EXOSC10: variants seen among roughly 807,000 people sequenced by gnomAD.
EXOSC10 encodes the protein exosome component 10.
In EXOSC10, 94 loss-of-function variants were observed where a neutral mutation model predicts 126.6. The ratio of observed to expected loss-of-function variants is 0.74; its 90% CI spans 0.63 to 0.88. EXOSC10 has a LOEUF of 0.88. Among genes scored for constraint, EXOSC10 ranks in the 40% least tolerant of loss-of-function variants. The pLI, the probability that EXOSC10 is intolerant of heterozygous loss-of-function variation, is 0.00. For missense variants in EXOSC10, 1,041 were observed against 1,100.5 expected, an observed-to-expected ratio of 0.95 and a Z score of 0.77; for synonymous variants, 395 against 400.8, an observed-to-expected ratio of 0.99 and a Z score of 0.17.
At chr1:11,099,658 GGCCCAGTCGGCTTCCGGC>G in intron 1 of EXOSC10, 45 bp downstream of exon 1, 8 of 1,468,758 alleles carry the variant, frequency 5.4e-6, no homozygotes, top group Non-Finnish European at 6.3e-6. Flanking sequence ...CTGCCCAGAG[GGCCCAGTCGGCTTCCGGC>G]GGCCGCGGGC....
In EXOSC10 at chr1:11,073,906, T is replaced by G. The variant is rs1570797158; in HGVS notation, c.2157+28A>C. ...AAAAAAAAAAAAAAAAAAAAGTCTC[T>G]TTTAGAACAGGTGACAAGTCCACTT... On this transcript the variant is annotated intron_variant, in intron 19 of 24. Coordinates refer to ENST00000376936, the MANE Select transcript of EXOSC10 (RefSeq NM_001001998.3). The G allele has an allele frequency of 2.3e-6, 3 of 1,277,832 alleles. No homozygotes were observed. The East Asian group carries it at 7.1e-5, about 30-fold the overall frequency. 79.2% of individuals were successfully genotyped at this position (1,277,832 alleles called of 1,614,324 possible). A position where few individuals can be genotyped will look rare whatever the true frequency, so the allele number is the denominator to read the frequency against.
intron 10 of EXOSC10, chr1:11,082,390 G>T: frequency 2.2e-6 from 1 of 450,674 alleles, no homozygotes; most frequent in Admixed American, 3.9e-5. Flanking sequence ...AAATCATCTG[G>T]TAGAAAGATC....
chr1:11,094,320 G>A (rs529608482), intron 3 of EXOSC10, among the ~76,000 whole-genome samples: 22 of 148,372 alleles, frequency 1.5e-4, no homozygotes, highest in Admixed American at 4.7e-4. Flanking sequence ...TTGAGATGGC[G>A]TCTCACTCTT....
At position 11,068,816 on chromosome 1, in the gene EXOSC10, G is replaced by T. The variant is rs1034229251; in HGVS notation, c.2489-110C>A. 24 of 842,710 alleles carry T rather than the reference G, an allele frequency of 2.8e-5. No homozygotes were observed. The East Asian group carries it at 5.8e-4, about 20-fold the overall frequency. 52.2% of individuals were successfully genotyped at this position (842,710 alleles called of 1,614,324 possible). On this transcript the variant is annotated intron_variant, in intron 22 of 24. Coordinates refer to ENST00000376936, the MANE Select transcript of EXOSC10 (RefSeq NM_001001998.3). ...ACACTCAGGGAAGCCTTGGCTGTGA[G>T]AGCACCCCTGTCACGATGAGGGGCT...
Position 11,097,201 on chromosome 1 carries a change from C to A in EXOSC10, c.248+819G>T, listed in dbSNP as rs370761818. Among the ~76,000 whole-genome samples the A allele has an allele frequency of 4.0e-5, 6 of 151,326 alleles. No individual in the cohort carries two copies. The East Asian group carries it at 1.2e-3, about 30-fold the overall frequency. ...CTTCAGCCTGGGCGACAGAGCAAGA[C>A]TCCGTACTCCCCCCCAACAAAAAAA... On this transcript the variant is annotated intron_variant, in intron 2 of 24. Coordinates refer to ENST00000376936, the MANE Select transcript of EXOSC10 (RefSeq NM_001001998.3).
rs183754594 is a variant in EXOSC10, at chr1:11,097,465, G to A, written c.248+555C>T. Among the ~76,000 whole-genome samples the A allele has an allele frequency of 3.2e-3, 490 of 152,116 alleles. 2 individuals are homozygous for A. Among genetic ancestry groups the A allele is most frequent in the African/African-American group, 0.011 (460 of 41,508 alleles). On this transcript the variant is annotated intron_variant, in intron 2 of 24. Transcript: ENST00000376936. ...GATCTGGCAAGGCGCGGTGGCTCAC[G>A]CCTGTAATCCCAGCACTTTGGGAGG... is the stretch of plus-strand genomic sequence containing the variant.
At chr1:11,089,197 C>T (rs1051932938) in intron 6 of EXOSC10, among the ~76,000 whole-genome samples, 1 of 145,092 alleles carries the variant, frequency 6.9e-6, no homozygotes, top group Admixed American at 7.0e-5. Flanking sequence ...CACTACGGCA[C>T]CCAGCCTGGG....
intron 4 of EXOSC10, 65 bp from the exon 5 acceptor site, chr1:11,091,244 A>T: frequency 2.0e-6 from 3 of 1,472,654 alleles, no homozygotes; most frequent in Non-Finnish European, 2.8e-6. Flanking sequence ...AGTAAATTCC[A>T]ATTTATGACT....
rs1447207340 is a variant in EXOSC10, at chr1:11,082,776, G to C, written c.1192C>G (p.Leu398Val). The C allele has an allele frequency of 4.3e-6, 7 of 1,614,056 alleles. No homozygotes were observed. The highest frequency in any genetic ancestry group is 5.9e-6 in the Non-Finnish European group (7 of 1,180,036). Residue 398 changes from leucine to valine, a missense_variant, in exon 10 of 25, where the codon CTG becomes GTG. Physicochemically the swap from Leu to Val is conservative, Grantham distance 32 (BLOSUM62 1). Coordinates refer to ENST00000376936, the MANE Select transcript of EXOSC10 (RefSeq NM_001001998.3). ...DTHQAARLLNLGRHSLDHLLK... is the reference protein window; with the variant it reads ...DTHQAARLLNVGRHSLDHLLK... ...AGATGATCGAGTGAGTGCCTGCCCA[G>C]GTTAAGAAGGCGTGCTGCCTGATGA...
intron 20 of EXOSC10, chr1:11,071,207 C>T (rs947349942): frequency 9.6e-6 from 5 of 522,890 alleles, no homozygotes; most frequent in African/African-American, 7.7e-5. Flanking sequence ...CTGCCTGCTC[C>T]TCTTCTGTGA....
chr1:11,084,727 A>G (rs1640392752), intron 9 of EXOSC10, among the ~76,000 whole-genome samples: 1 of 152,180 alleles, frequency 6.6e-6, no homozygotes, highest in Non-Finnish European at 1.5e-5. Context: ...GGTATTGCCT[A>G]GGTTTCCTTC....
In EXOSC10 at chr1:11,068,658, G is replaced by C; in HGVS notation, c.2537C>G (p.Thr846Ser). The C allele has an allele frequency of 1.2e-6, 2 of 1,614,136 alleles. No homozygotes were observed. Among genetic ancestry groups the C allele is most frequent in the East Asian group, 4.5e-5 (2 of 44,892 alleles). The change falls in exon 23 of 25, where the codon ACC becomes AGC. Residue 846 changes from threonine to serine, a missense_variant. This residue lies in a region of EXOSC10 where 388 missense variants were observed against 415.2 expected (regional missense o/e 0.93). Transcript: ENST00000376936. ...AGCAGTTCTTACCTTGCCAGACGGG[G>C]TCTGTTTATTTGGATCAAACTGAGA... Reference protein sequence around the residue: ...VSSQFDPNKQTPSGKKCIAAK... With the variant: ...VSSQFDPNKQSPSGKKCIAAK...
rs1489707496 is a variant in EXOSC10 at position 11,074,003 on chromosome 1, C to T, written c.2088G>A (p.Leu696=). ...CGGGAGCACGGTGTCCCAGTGAGGG[C>T]AGAAACTGGAGGAAGGAAATGGCTG... ...ESFENPFRMF[L]PSLGHRAPVS... Residue 696 remains leucine, a synonymous_variant, in exon 19 of 25, where the codon CTG becomes CTA. Coordinates refer to ENST00000376936, the MANE Select transcript of EXOSC10 (RefSeq NM_001001998.3). 3.1e-6 allele frequency: 5 copies of T among 1,613,304 alleles called. No homozygotes were observed. In the Admixed American group the frequency reaches 6.7e-5, roughly 22 times the overall value.
chr1:11,082,021 G>T (rs1031963862), intron 10 of EXOSC10, among the ~76,000 whole-genome samples: 6 of 151,474 alleles, frequency 4.0e-5, no homozygotes, highest in Non-Finnish European at 8.8e-5. Context: ...GGCAGAGGTT[G>T]TGGTGAGCCG....
At position 11,074,021 on chromosome 1, in the gene EXOSC10, A is replaced by C. The variant is rs1183683526; in HGVS notation, c.2083-13T>G. ...GTGAGGGCAGAAACTGGAGGAAGGAAATGGCTGTGTGAAACGCTGCCGGGA... is the reference window on the plus strand; with the variant it reads ...GTGAGGGCAGAAACTGGAGGAAGGACATGGCTGTGTGAAACGCTGCCGGGA... On this transcript the variant is annotated splice_polypyrimidine_tract_variant and intron_variant, in intron 18 of 24. Coordinates refer to ENST00000376936, the MANE Select transcript of EXOSC10 (RefSeq NM_001001998.3). 6.2e-7 allele frequency: 1 copy of C among 1,613,458 alleles called. No individual in the cohort carries two copies. Among genetic ancestry groups the C allele is most frequent in the South Asian group, 1.1e-5 (1 of 91,066 alleles).
chr1:11,080,329 G>A (rs1395453614), intron 13 of EXOSC10, among the ~76,000 whole-genome samples, 170 bp downstream of exon 13: 1 of 152,070 alleles, frequency 6.6e-6, no homozygotes. Flanking sequence ...GTGCTTAAAT[G>A]GCAGCCTGAG....
intron 24 of EXOSC10, 142 bp from the exon 25 acceptor site, chr1:11,066,890 A>G: frequency 1.1e-6 from 1 of 870,080 alleles, no homozygotes; most frequent in Admixed American, 2.0e-5. Context: ...TCGGCGGCCC[A>G]CCAGAGTTGG....
rs935329248 is a variant in EXOSC10, at chr1:11,082,442, G to A, written c.1280+246C>T. On this transcript the variant is annotated intron_variant, in intron 10 of 24. Coordinates refer to ENST00000376936, the MANE Select transcript of EXOSC10 (RefSeq NM_001001998.3). ...GACCAGCATGGGCAAATACTGGTGC[G>A]GCACCTCTTTTTCAACCACTATTTC... The A allele has an allele frequency of 6.9e-6, 6 of 873,752 alleles. No individual in the cohort carries two copies. In the South Asian group the frequency reaches 8.6e-5, roughly 13 times the overall value. The allele number at this position is 873,752 out of a possible 1,614,324, so 54.1% of individuals were successfully genotyped here.
chr1:11,077,337 G>C (rs968646606), intron 16 of EXOSC10, 28 bp downstream of exon 16: 12 of 1,598,426 alleles, frequency 7.5e-6, no homozygotes, highest in Admixed American at 3.4e-5. Context: ...AACCTCTTCG[G>C]GACAGTCAGG....
Sources: gnomAD v4.1 joint callset for allele counts (sites outside exome capture counted in the v4.1 genomes callset) on GRCh38, gnomAD v4.1.1 for gene constraint, gnomAD v4.1.1 regional missense constraint, MANE v1.5 for transcripts, NCBI Gene and HGNC (gene_info 2026-07-23, HGNC 2026-07-21) for gene names.